PIGU: variants seen among roughly 807,000 people sequenced by gnomAD.
PIGU encodes the protein GPI-anchor transamidase component PIGU.
In PIGU, 24 loss-of-function variants were observed where a neutral mutation model predicts 49.9. That is an observed-to-expected ratio of 0.48 (90% CI 0.35 to 0.68). The LOEUF (loss-of-function observed/expected upper bound fraction) is 0.68. PIGU is among the 30% of genes least tolerant of loss of function. The pLI is 0.01. For synonymous variants in PIGU, 220 were observed against 205.7 expected (o/e 1.07, Z -0.59); for missense variants, 490 against 532.6 (o/e 0.92, Z 0.79).
intron 6 of PIGU, among the ~76,000 whole-genome samples, chr20:34,630,807 G>A (rs1380572242): frequency 6.6e-6 from 1 of 151,790 alleles, no homozygotes; most frequent in Non-Finnish European, 1.5e-5. Flanking sequence ...CCATCACACC[G>A]GGCTAAATTC....
At chr20:34,627,219 A>G (rs562895402) in intron 6 of PIGU, among the ~76,000 whole-genome samples, 8 of 152,204 alleles carry the variant, frequency 5.3e-5, no homozygotes, top group African/African-American at 1.9e-4. Flanking sequence ...GACATGCAGC[A>G]GAGTGATGAA....
At chr20:34,644,547 A>G (rs1434112684) in intron 3 of PIGU, among the ~76,000 whole-genome samples, 2 of 152,202 alleles carry the variant, frequency 1.3e-5, no homozygotes, top group Non-Finnish European at 2.9e-5. Context: ...ATGTATGTCA[A>G]GTGCCTAGCA....
intron 1 of PIGU, among the ~76,000 whole-genome samples, chr20:34,657,907 G>C (rs1191098402): frequency 6.6e-6 from 1 of 151,828 alleles, no homozygotes; most frequent in East Asian, 1.9e-4. Flanking sequence ...AAATTATACT[G>C]TGTTATAAAT....
At chr20:34,620,329 G>A (rs6059949) in intron 6 of PIGU, among the ~76,000 whole-genome samples, 6 of 152,160 alleles carry the variant, frequency 3.9e-5, no homozygotes, top group African/African-American at 1.4e-4. Flanking sequence ...CTGTTCTTAG[G>A]CTATTCCTTC....
At chr20:34,562,155 G>A (rs1982545920) in intron 11 of PIGU, among the ~76,000 whole-genome samples, 1 of 152,294 alleles carries the variant, frequency 6.6e-6, no homozygotes, top group Non-Finnish European at 1.5e-5. Context: ...CACCAGACCC[G>A]GAGTCTGCAA....
At chr20:34,676,919 G>C in intron 1 of PIGU, 37 bp downstream of exon 1, 1 of 1,555,958 alleles carries the variant, frequency 6.4e-7, no homozygotes, top group Non-Finnish European at 8.7e-7. Context: ...GGGAGGGCAG[G>C]TGGGGCCTGA....
intron 8 of PIGU, 37 bp from the exon 9 acceptor site, chr20:34,585,617 A>G (rs761265114): frequency 1.5e-5 from 24 of 1,603,570 alleles, no homozygotes; most frequent in Non-Finnish European, 2.0e-5. Flanking sequence ...AAAAAAGACA[A>G]AAGTTATAAA....
chr20:34,618,822 G>T (rs552843077), intron 6 of PIGU, among the ~76,000 whole-genome samples: 1 of 152,040 alleles, frequency 6.6e-6, no homozygotes, highest in Admixed American at 6.6e-5. Flanking sequence ...CCTCTCAATG[G>T]TGTTTCATAA....
intron 1 of PIGU, among the ~76,000 whole-genome samples, chr20:34,672,732 C>A (rs1030149168): frequency 2.0e-5 from 3 of 151,528 alleles, no homozygotes; most frequent in Non-Finnish European, 4.4e-5. Flanking sequence ...GGAGCATGCA[C>A]CAATCCCAGC....
intron 7 of PIGU, among the ~76,000 whole-genome samples, chr20:34,613,737 C>A (rs1384848032): frequency 6.6e-6 from 1 of 152,190 alleles, no homozygotes; most frequent in Non-Finnish European, 1.5e-5. Flanking sequence ...AATGCTTCAA[C>A]TCAGCAAGAA....
intron 9 of PIGU, 69 bp downstream of exon 9, chr20:34,585,368 A>G: frequency 6.6e-7 from 1 of 1,517,458 alleles, no homozygotes; most frequent in East Asian, 2.3e-5. Flanking sequence ...GGCCACCCTC[A>G]AGGCTACTAG....
chr20:34,577,763 A>T (rs1428411087), intron 10 of PIGU, among the ~76,000 whole-genome samples: 4 of 152,162 alleles, frequency 2.6e-5, no homozygotes, highest in Admixed American at 2.6e-4. Context: ...AATCACACGG[A>T]GAGCCCTCAG....
At chr20:34,656,767 A>G (rs79461120) in intron 2 of PIGU, among the ~76,000 whole-genome samples, 1 of 151,692 alleles carries the variant, frequency 6.6e-6, no homozygotes, top group Non-Finnish European at 1.5e-5. Flanking sequence ...CCCTGCCAAA[A>G]AAAAAAAAAA....
chr20:34,593,341 GAAA>G (rs61048902), intron 7 of PIGU, among the ~76,000 whole-genome samples: 116 of 144,054 alleles, frequency 8.1e-4, no homozygotes, highest in African/African-American at 1.5e-3. Flanking sequence ...CTGTCTTAAA[GAAA>G]AAAAAAAAAA....
At chr20:34,562,282 GC>G (rs1982555130) in intron 11 of PIGU, 1 of 399,064 alleles carries the variant, frequency 2.5e-6, no homozygotes, top group South Asian at 1.0e-4. Context: ...CAGCTCTCAG[GC>G]ACCTGGAGGC....
intron 1 of PIGU, among the ~76,000 whole-genome samples, chr20:34,659,466 G>A (rs557730652): frequency 5.5e-4 from 84 of 151,692 alleles, no homozygotes; most frequent in Middle Eastern, 6.8e-3. Context: ...CGCCCCGTCC[G>A]GGAGGTGAGG....
chr20:34,666,713 T>TTTG (rs1908525703), intron 1 of PIGU, among the ~76,000 whole-genome samples: 1 of 133,596 alleles, frequency 7.5e-6, no homozygotes, highest in Non-Finnish European at 1.5e-5. Flanking sequence ...TTTTTTTTTT[T>TTTG]TGAGACAGAG....
intron 1 of PIGU, among the ~76,000 whole-genome samples, chr20:34,672,752 G>A (rs1181642632): frequency 6.6e-6 from 1 of 151,394 alleles, no homozygotes; most frequent in East Asian, 1.9e-4. Context: ...CTGTTTGGGA[G>A]GCTGAGTCAA....
intron 11 of PIGU, among the ~76,000 whole-genome samples, chr20:34,564,318 C>A (rs965469030): frequency 6.6e-6 from 1 of 152,158 alleles, no homozygotes; most frequent in African/African-American, 2.4e-5. Context: ...TCTGTTCTAT[C>A]TCTGCAACTT....
Sources: allele counts gnomAD v4.1 joint callset (sites outside exome capture counted in the v4.1 genomes callset), GRCh38; gene constraint gnomAD v4.1.1; transcripts MANE v1.5; gene names NCBI Gene and HGNC (gene_info 2026-07-23, HGNC 2026-07-21).